Variants in OPA3 observed in about 807,000 individuals in gnomAD.
The protein encoded by OPA3 is optic atrophy 3 protein.
A neutral mutation model predicts 4.0 loss-of-function variants in OPA3; 6 were observed. The observed-to-expected ratio is 1.51, with a 90% CI of 0.83 to 2.99. OPA3 has a LOEUF of 2.99. Ranked by LOEUF, OPA3 falls within the 30% of genes most tolerant of loss-of-function variation. The probability of loss-of-function intolerance (pLI) is 0.00; values close to 1 mark genes in which losing one functional copy is unlikely to be tolerated. For missense variants in OPA3, 235 were observed against 256.2 expected (o/e 0.92, Z 0.56); for synonymous variants, 105 against 117.1 (o/e 0.90, Z 0.67).
intron 1 of OPA3, chr19:45,529,589 G>A (rs1969036660): frequency 1.3e-5 from 14 of 1,101,160 alleles, no homozygotes; most frequent in Non-Finnish European, 1.9e-5. Flanking sequence ...TGGCGGGGAC[G>A]CCTTAACGAA....
At position 45,584,725 on chromosome 19, in the gene OPA3, A is replaced by C; in HGVS notation, c.40T>G (p.Leu14Val). The change falls in exon 1 of 2, where the codon TTG (leucine) becomes GTG (valine). Residue 14 changes from leucine (L) to valine (V), a missense_variant. Leu to Val is a conservative substitution (Grantham distance 32, BLOSUM62 1). Transcript: ENST00000263275. Reference sequence around the variant, plus strand: ...GGCTTGCTGACCTGCCGGATGCCCAAGTATAGCAGCTTCGCCATAGGGAAC... The same window carrying C: ...GGCTTGCTGACCTGCCGGATGCCCACGTATAGCAGCTTCGCCATAGGGAAC... ...GAFPMAKLLYLGIRQVSKPLA... is the reference protein window; with the variant it reads ...GAFPMAKLLYVGIRQVSKPLA... 1 of 1,614,186 alleles carries C rather than the reference A, an allele frequency of 6.2e-7. No homozygotes were observed. Among genetic ancestry groups the C allele is most frequent in the African/African-American group, 1.3e-5 (1 of 75,072 alleles).
At chr19:45,581,324 C>T (rs536878045) in intron 1 of OPA3, among the ~76,000 whole-genome samples, 11 of 152,308 alleles carry the variant, frequency 7.2e-5, no homozygotes, top group African/African-American at 2.6e-4. Context: ...AAAAAGTGCA[C>T]TCCCTTAATC....
intron 1 of OPA3, among the ~76,000 whole-genome samples, chr19:45,563,227 T>C (rs956136614): frequency 3.9e-5 from 6 of 152,288 alleles, no homozygotes; most frequent in African/African-American, 1.4e-4. Context: ...TGGCTCGATC[T>C]TGGCTCACTG....
intron 1 of OPA3, among the ~76,000 whole-genome samples, chr19:45,566,989 T>C (rs987636151): frequency 1.3e-5 from 2 of 152,096 alleles, no homozygotes; most frequent in African/African-American, 4.8e-5. Flanking sequence ...GCATGGCATA[T>C]TCATATACTG....
exon 2 of OPA3, chr19:45,529,041 G>A (rs781207627): frequency 6.3e-7 from 1 of 1,596,650 alleles, no homozygotes. Flanking sequence ...TCCAAGACCA[G>A]GGCCCCGAGA....
In OPA3 at chr19:45,550,419, G is replaced by A. The variant is rs1969315359; in HGVS notation, c.*3095C>T. 2 of 985,834 alleles carry A rather than the reference G, an allele frequency of 2.0e-6. No individual in the cohort carries two copies. The allele number at this position is 985,834 out of a possible 1,614,324, so 61.1% of individuals were successfully genotyped here. A position where few individuals can be genotyped will look rare whatever the true frequency, so the allele number is the denominator to read the frequency against. On this transcript the variant is annotated 3_prime_UTR_variant, in exon 2 of 2. Coordinates refer to ENST00000263275, the MANE Select transcript of OPA3 (RefSeq NM_025136.4). ...TGGGGCTGCTCTGAGAGGGGATAGA[G>A]AGGGTCTCCCACTATCAACGCCACC...
exon 2 of OPA3, chr19:45,527,877 G>A (rs1044005559): frequency 3.3e-5 from 5 of 152,238 alleles, no homozygotes; most frequent in Non-Finnish European, 5.9e-5. Flanking sequence ...TGTCGGGTGG[G>A]TAGGTCATAT....
chr19:45,575,968 T>C lies in OPA3; in HGVS notation c.142+8655A>G, dbSNP rs866966278. On this transcript the variant is annotated intron_variant, in intron 1 of 1. Transcript: ENST00000263275. ...TGAAATGGGGGCCAGTTGTGGTGGC[T>C]CACGCCTGTAATCCCAGCACTCTGG... Among the ~76,000 whole-genome samples, 5 of 152,230 alleles carry C rather than the reference T, an allele frequency of 3.3e-5. No homozygotes were observed. In the South Asian group the frequency reaches 8.3e-4, roughly 25 times the overall value.
chr19:45,561,894 C>A (rs1251484279), intron 1 of OPA3, among the ~76,000 whole-genome samples: 1 of 150,620 alleles, frequency 6.6e-6, no homozygotes, highest in African/African-American at 2.4e-5. Flanking sequence ...TGAGCCGAGA[C>A]CATGCCAGTC....
chr19:45,532,109 G>C (rs1245115344), intron 1 of OPA3, among the ~76,000 whole-genome samples: 1 of 152,140 alleles, frequency 6.6e-6, no homozygotes, highest in Non-Finnish European at 1.5e-5. Flanking sequence ...GAATCTAAGG[G>C]GAGCCACACA....
chr19:45,572,814 T>C (rs986402706), intron 1 of OPA3, among the ~76,000 whole-genome samples: 3 of 143,786 alleles, frequency 2.1e-5, no homozygotes, highest in African/African-American at 5.1e-5. Context: ...ACTATATATA[T>C]AGATATATAT....
chr19:45,562,871 T>C (rs1017681989), intron 1 of OPA3, among the ~76,000 whole-genome samples: 1 of 152,184 alleles, frequency 6.6e-6, no homozygotes, highest in African/African-American at 2.4e-5. Context: ...TAAAATGTTA[T>C]CATCCGGAGA....
rs1375977254 is a variant in OPA3 at position 45,550,423 on chromosome 19, G to T, written c.*3091C>A. On this transcript the variant is annotated 3_prime_UTR_variant, in exon 2 of 2. Transcript: ENST00000263275. ...GCTGCTCTGAGAGGGGATAGAGAGG[G>T]TCTCCCACTATCAACGCCACCTCTG... 8.1e-6 allele frequency: 8 copies of T among 985,592 alleles called. No individual in the cohort carries two copies. Among genetic ancestry groups the T allele is most frequent in the Non-Finnish European group, 7.2e-6 (6 of 830,248 alleles). 61.1% of individuals were successfully genotyped at this position (985,592 alleles called of 1,614,324 possible).
At chr19:45,573,559 C>A (rs997832227) in intron 1 of OPA3, among the ~76,000 whole-genome samples, 21 of 152,054 alleles carry the variant, frequency 1.4e-4, no homozygotes, top group African/African-American at 4.3e-4. Context: ...ACATAACAAC[C>A]CAATTACAAG....
intron 1 of OPA3, among the ~76,000 whole-genome samples, chr19:45,581,148 G>A (rs1396653273): frequency 2.0e-5 from 3 of 152,072 alleles, no homozygotes; most frequent in Admixed American, 1.3e-4. Context: ...CAGTTGTGGG[G>A]GTCAAATGAG....
At position 45,551,651 on chromosome 19, in the gene OPA3, A is replaced by G; in HGVS notation, c.*1863T>C. 1 of 934,562 alleles carries G rather than the reference A, an allele frequency of 1.1e-6. No individual in the cohort carries two copies. The highest frequency in any genetic ancestry group is 1.3e-6 in the Non-Finnish European group (1 of 783,630). 57.9% of individuals were successfully genotyped at this position (934,562 alleles called of 1,614,324 possible). A position where few individuals can be genotyped will look rare whatever the true frequency, so the allele number is the denominator to read the frequency against. On this transcript the variant is annotated 3_prime_UTR_variant, in exon 2 of 2. Coordinates refer to ENST00000263275, the MANE Select transcript of OPA3 (RefSeq NM_025136.4). ...CTGTTGGACTTAAGCCATCAAGTTC[A>G]CCACCCAATGGTGATCTGTTATGGC...
chr19:45,532,214 T>C (rs988123589), intron 1 of OPA3, among the ~76,000 whole-genome samples: 3 of 152,202 alleles, frequency 2.0e-5, no homozygotes, highest in Middle Eastern at 3.2e-3. Flanking sequence ...ATGTCACTTA[T>C]CATTGCTGGG....
At chr19:45,579,409 T>A (rs746332710) in intron 1 of OPA3, among the ~76,000 whole-genome samples, 13 of 151,860 alleles carry the variant, frequency 8.6e-5, no homozygotes, top group Non-Finnish European at 1.5e-4. Flanking sequence ...TTAGTAGAGA[T>A]GGGGTTTCAC....
chr19:45,531,240 C>T (rs1483469322), intron 1 of OPA3, among the ~76,000 whole-genome samples: 2 of 152,066 alleles, frequency 1.3e-5, no homozygotes, highest in African/African-American at 4.8e-5. Flanking sequence ...TTTTATTTCA[C>T]TAAACCAGTG....
Sources: gnomAD v4.1 joint callset for allele counts (sites outside exome capture counted in the v4.1 genomes callset) on GRCh38, gnomAD v4.1.1 for gene constraint, MANE v1.5 for transcripts, NCBI Gene and HGNC (gene_info 2026-07-23, HGNC 2026-07-21) for gene names.